The following LRRC4C variants were observed in gnomAD, a reference collection of about 807,000 sequenced individuals.
LRRC4C encodes the protein leucine-rich repeat-containing protein 4C.
In LRRC4C, 5 loss-of-function variants were observed where a neutral mutation model predicts 33.6. The observed-to-expected ratio is 0.15, with a 90% CI of 0.08 to 0.31. LRRC4C has a LOEUF of 0.31. Ranked by LOEUF, LRRC4C falls within the 10% of genes least tolerant of loss-of-function variation. LRRC4C has a pLI of 1.00. For missense variants in LRRC4C, 560 were observed against 796.7 expected (o/e 0.70, Z 3.58); for synonymous variants, 329 against 302.0 (o/e 1.09, Z -0.93).
intron 1 of LRRC4C, among the ~76,000 whole-genome samples, chr11:41,240,226 C>T (rs1948195631): frequency 6.6e-6 from 1 of 152,144 alleles, no homozygotes; most frequent in Non-Finnish European, 1.5e-5. Context: ...TAAATTAGCT[C>T]CAGTTGCCTG....
At chr11:40,274,253 A>T (rs1245931106) in intron 4 of LRRC4C, among the ~76,000 whole-genome samples, 1 of 152,020 alleles carries the variant, frequency 6.6e-6, no homozygotes, top group African/African-American at 2.4e-5. Flanking sequence ...TCCGGAGGGG[A>T]GGGAAAGATT....
intron 6 of LRRC4C, among the ~76,000 whole-genome samples, chr11:40,117,626 C>T (rs1188107524): frequency 6.6e-6 from 1 of 151,350 alleles, no homozygotes; most frequent in Non-Finnish European, 1.5e-5. Flanking sequence ...GTGGACTGGG[C>T]ACCTGTGTAA....
intron 2 of LRRC4C, among the ~76,000 whole-genome samples, chr11:40,744,091 C>T (rs998214975): frequency 9.2e-5 from 14 of 152,110 alleles, no homozygotes; most frequent in African/African-American, 2.4e-4. Flanking sequence ...CACCGTGTTC[C>T]GGCACTTCTG....
chr11:40,119,054 GCT>G (rs1160977838), intron 6 of LRRC4C, among the ~76,000 whole-genome samples: 1 of 152,122 alleles, frequency 6.6e-6, no homozygotes, highest in Admixed American at 6.5e-5. Context: ...AGAAGGGCTG[GCT>G]CTTTTTTAGG....
rs59213554 is a variant in LRRC4C at position 40,626,439 on chromosome 11, A to AT, written c.-270+21702dup. On this transcript the variant is annotated intron_variant, in intron 3 of 6. Coordinates refer to ENST00000528697, the MANE Select transcript of LRRC4C (RefSeq NM_001258419.2). ...TCCACCTATTCAAAAGTTCCATGAGATTTTTTTTTGACCAGTATGTTCCTA... is the reference window on the plus strand; with the variant it reads ...TCCACCTATTCAAAAGTTCCATGAGATTTTTTTTTTGACCAGTATGTTCCTA... Among the ~76,000 whole-genome samples the AT allele has an allele frequency of 2.8e-4, 43 of 151,836 alleles. 1 individual carries two copies. Among genetic ancestry groups the AT allele is most frequent in the South Asian group, 1.0e-3 (5 of 4,810 alleles).
chr11:40,591,212 C>T (rs1959039934), intron 3 of LRRC4C, among the ~76,000 whole-genome samples: 1 of 152,200 alleles, frequency 6.6e-6, no homozygotes, highest in Non-Finnish European at 1.5e-5. Context: ...CGGAAAAGCG[C>T]AGTATTCGGG....
At chr11:41,443,651 T>C (rs556302934) in intron 1 of LRRC4C, among the ~76,000 whole-genome samples, 14 of 151,936 alleles carry the variant, frequency 9.2e-5, no homozygotes, top group Non-Finnish European at 1.6e-4. Context: ...GTTTCACTCT[T>C]GTCACCCAGG....
At chr11:40,269,271 T>A (rs181328978) in intron 4 of LRRC4C, among the ~76,000 whole-genome samples, 3 of 152,136 alleles carry the variant, frequency 2.0e-5, no homozygotes, top group Admixed American at 6.6e-5. Flanking sequence ...AAAGAACATA[T>A]TGAAAGTAAA....
intron 3 of LRRC4C, among the ~76,000 whole-genome samples, chr11:40,342,243 G>C (rs906141636): frequency 2.0e-5 from 3 of 152,138 alleles, no homozygotes; most frequent in South Asian, 4.1e-4. Flanking sequence ...GGCTGAGGTG[G>C]GTGGATCATG....
In LRRC4C at chr11:41,003,566, G is replaced by A. The variant is rs551512937; in HGVS notation, c.-495-69843C>T. 3.9e-5 allele frequency among the ~76,000 whole-genome samples: 6 copies of A among 152,066 alleles called. No individual in the cohort carries two copies. The East Asian group carries it at 1.2e-3, about 29-fold the overall frequency. On this transcript the variant is annotated intron_variant, in intron 1 of 6. Transcript: ENST00000528697. ...TGCTGAGGGATTGACAAGATAAAAAGGCACTATTTTTTCCCATATCCAATT... is the reference window on the plus strand; with the variant it reads ...TGCTGAGGGATTGACAAGATAAAAAAGCACTATTTTTTCCCATATCCAATT...
chr11:41,431,644 T>C (rs115096605), intron 1 of LRRC4C, among the ~76,000 whole-genome samples: 1,657 of 129,878 alleles, frequency 0.013, 27 homozygotes, highest in African/African-American at 0.042. Flanking sequence ...TGTGTGTGTG[T>C]GTGTGTGTAC....
chr11:40,153,024 C>T (rs943192072), intron 5 of LRRC4C, among the ~76,000 whole-genome samples: 1 of 152,170 alleles, frequency 6.6e-6, no homozygotes, highest in African/African-American at 2.4e-5. Context: ...GCTAAGGACC[C>T]TCACAGAGTC....
At chr11:40,698,574 G>A (rs1031801031) in intron 2 of LRRC4C, among the ~76,000 whole-genome samples, 2 of 152,048 alleles carry the variant, frequency 1.3e-5, no homozygotes, top group Non-Finnish European at 2.9e-5. Flanking sequence ...GAAGAGAATG[G>A]GAAAGTTCCT....
intron 3 of LRRC4C, among the ~76,000 whole-genome samples, chr11:40,549,202 A>G (rs1401348899): frequency 6.6e-6 from 1 of 152,128 alleles, no homozygotes; most frequent in East Asian, 1.9e-4. Flanking sequence ...ATAACCTATC[A>G]TTAGACAAGA....
chr11:40,446,344 T>C (rs1222059183), intron 3 of LRRC4C: 1 of 152,200 alleles, frequency 6.6e-6, no homozygotes, highest in African/African-American at 2.4e-5. Flanking sequence ...CAAAGCATGT[T>C]CTGATGTACA....
At chr11:40,950,336 T>C (rs1351040726) in intron 1 of LRRC4C, among the ~76,000 whole-genome samples, 1 of 152,122 alleles carries the variant, frequency 6.6e-6, no homozygotes, top group Non-Finnish European at 1.5e-5. Flanking sequence ...TCCTCCAAGT[T>C]AAACAATGCT....
At chr11:41,020,569 A>C (rs529237257) in intron 1 of LRRC4C, among the ~76,000 whole-genome samples, 1 of 152,232 alleles carries the variant, frequency 6.6e-6, no homozygotes, top group East Asian at 1.9e-4. Flanking sequence ...ATGCAGCTGC[A>C]AGTCAAGGAA....
chr11:40,739,748 G>A lies in LRRC4C; in HGVS notation c.-406-91470C>T, dbSNP rs191920919. On this transcript the variant is annotated intron_variant, in intron 2 of 6. Coordinates refer to ENST00000528697, the MANE Select transcript of LRRC4C (RefSeq NM_001258419.2). ...TTCACACTCTCTCCTGCTTTCTTGC[G>A]AAGAAGTTGCCTGCCTCCTCTTCTG... 1.2e-4 allele frequency among the ~76,000 whole-genome samples: 18 copies of A among 152,016 alleles called. No homozygotes were observed. In the East Asian group the frequency reaches 2.3e-3, roughly 20 times the overall value.
chr11:40,448,285 A>T (rs2138046921), intron 3 of LRRC4C, among the ~76,000 whole-genome samples: 1 of 152,134 alleles, frequency 6.6e-6, no homozygotes, highest in South Asian at 2.1e-4. Context: ...AAGTTCTGGG[A>T]CACATGTGCA....
Sources: gnomAD v4.1 joint callset for allele counts (sites outside exome capture counted in the v4.1 genomes callset) on GRCh38, gnomAD v4.1.1 for gene constraint, MANE v1.5 for transcripts, NCBI Gene and HGNC (gene_info 2026-07-23, HGNC 2026-07-21) for gene names.